The following MYO19 variants were observed in gnomAD, a reference collection of about 807,000 sequenced individuals.
The protein encoded by MYO19 is myosin XIX.
Under a neutral mutation model 129.2 loss-of-function variants are expected in MYO19, and 132 were observed. The ratio of observed to expected loss-of-function variants is 1.02; its 90% CI spans 0.89 to 1.18. The LOEUF (loss-of-function observed/expected upper bound fraction) is 1.18. MYO19 is among the 50% of genes most tolerant of loss of function. The pLI, the probability that MYO19 is intolerant of heterozygous loss-of-function variation, is 0.00. For synonymous variants in MYO19, 531 were observed against 477.2 expected (o/e 1.11, Z -1.47); for missense variants, 1,210 against 1,216.7 (o/e 0.99, Z 0.08).
intron 24 of MYO19, 115 bp from the exon 25 acceptor site, chr17:36,498,674 G>T: frequency 8.0e-7 from 1 of 1,256,752 alleles, no homozygotes; most frequent in Non-Finnish European, 1.1e-6. Flanking sequence ...GAAGGCACCT[G>T]GTTGCAAACA....
chr17:36,516,330 T>C (rs998410306), intron 6 of MYO19, among the ~76,000 whole-genome samples: 2 of 152,206 alleles, frequency 1.3e-5, no homozygotes, highest in African/African-American at 4.8e-5. Flanking sequence ...TTAAAAATCA[T>C]GCATCTACTC....
chr17:36,503,008 G>T, intron 21 of MYO19, 89 bp downstream of exon 21: 1 of 1,094,508 alleles, frequency 9.1e-7, no homozygotes, highest in Non-Finnish European at 1.4e-6. Context: ...TCACCAGTAA[G>T]CCCCAGCCCC....
At chr17:36,540,827 T>C (rs556117418) in intron 2 of MYO19, among the ~76,000 whole-genome samples, 29 of 152,342 alleles carry the variant, frequency 1.9e-4, no homozygotes, top group Admixed American at 1.4e-3. Flanking sequence ...GTGGTTATTA[T>C]AATGAAACAA....
intron 6 of MYO19, 149 bp from the exon 7 acceptor site, chr17:36,516,139 G>T: frequency 1.2e-6 from 1 of 851,876 alleles, no homozygotes; most frequent in African/African-American, 1.7e-5. Context: ...CTGGCCTCAG[G>T]CAAGGCACTT....
chr17:36,526,644 T>C (rs1363012126), intron 5 of MYO19, among the ~76,000 whole-genome samples: 2 of 152,176 alleles, frequency 1.3e-5, no homozygotes, highest in East Asian at 3.8e-4. Context: ...CTCAGCACTT[T>C]GGGAGGCTAC....
At position 36,498,440 on chromosome 17, in the gene MYO19, G is replaced by A. The variant is rs372375522; in HGVS notation, c.2583C>T (p.Ile861=). 1.9e-6 allele frequency: 3 copies of A among 1,613,912 alleles called. No homozygotes were observed. In the African/African-American group the frequency reaches 4.0e-5, roughly 22 times the overall value. The change falls in exon 25 of 26, where the codon ATC becomes ATT. Residue 861 remains isoleucine, a synonymous_variant. Coordinates refer to ENST00000614623, the MANE Select transcript of MYO19 (RefSeq NM_001163735.2). ...PLQTRLLEAI[I]RLWPLGLVLA... is the part of the protein sequence containing the mutation. ...GGACCAGTCCCAGGGGCCAGAGGCG[G>A]ATTATTGCCTCCAGGAGCCTGGTCT...
At chr17:36,527,441 C>T in intron 5 of MYO19, 110 bp downstream of exon 5, 1 of 1,302,678 alleles carries the variant, frequency 7.7e-7, no homozygotes, top group Non-Finnish European at 1.0e-6. Context: ...CTAGCAGACT[C>T]TGAATGACCA....
rs1487128896 is a variant in MYO19, at chr17:36,506,987, T to C, written c.1620A>G (p.Thr540=). 3.7e-6 allele frequency: 6 copies of C among 1,602,476 alleles called. No homozygotes were observed. In the Admixed American group the frequency reaches 1.0e-4, roughly 27 times the overall value. Reference sequence around the variant, plus strand: ...CCTTGTTCTTCTCCACCAGGCCTGCTGTGTGGTACCGCACAGGCCCCGCAT... The same window carrying C: ...CCTTGTTCTTCTCCACCAGGCCTGCCGTGTGGTACCGCACAGGCCCCGCAT... ...VHYAGPVRYH[T]AGLVEKNKDP... Residue 540 remains threonine, a synonymous_variant, in exon 17 of 26, where the codon ACA becomes ACG. Transcript: ENST00000614623.
intron 6 of MYO19, among the ~76,000 whole-genome samples, chr17:36,522,337 G>A (rs2073186020): frequency 6.7e-6 from 1 of 149,540 alleles, no homozygotes; most frequent in Admixed American, 6.7e-5. Context: ...ATGAAACTCC[G>A]TCTCTACTAA....
Position 36,513,129 on chromosome 17 carries a change from C to T in MYO19, c.894+300G>A, listed in dbSNP as rs538541055. 7.7e-4 allele frequency: 1,060 copies of T among 1,375,942 alleles called. 23 individuals are homozygous for T. In the South Asian group the frequency reaches 0.018, roughly 23 times the overall value. The allele number at this position is 1,375,942 out of a possible 1,614,324, so 85.2% of individuals were successfully genotyped here. ...GTTTTAATGTACTAGACAAGCAAGG[C>T]GGTAGCACTAGTTCTCTCTTCTGAT... is the stretch of plus-strand genomic sequence containing the variant. On this transcript the variant is annotated intron_variant, in intron 11 of 25. Coordinates refer to ENST00000614623, the MANE Select transcript of MYO19 (RefSeq NM_001163735.2).
At chr17:36,505,761 A>T (rs1364584370) in intron 18 of MYO19, among the ~76,000 whole-genome samples, 1 of 152,200 alleles carries the variant, frequency 6.6e-6, no homozygotes, top group Non-Finnish European at 1.5e-5. Context: ...GTCCAGCAAC[A>T]ACTGTTATCA....
chr17:36,502,252 A>G (rs1004889936), intron 21 of MYO19, among the ~76,000 whole-genome samples: 1 of 152,080 alleles, frequency 6.6e-6, no homozygotes, highest in Admixed American at 6.5e-5. Flanking sequence ...GACAACCCCC[A>G]TATGAGGGCC....
At chr17:36,539,485 GATGGAAGGCTGGGC>G (rs957753434), upstream of MYO19, among the ~76,000 whole-genome samples, 76 of 152,154 alleles carry the variant, frequency 5.0e-4, no homozygotes, top group African/African-American at 1.7e-3. Flanking sequence ...CCAAAGAATA[GATGGAAGGCTGGGC>G]ATGGTGACTC....
rs1223115260 is a variant in MYO19 at position 36,518,562 on chromosome 17, GTA to G, written c.415-2574_415-2573del. ...TATATATATATATATATGTGTATGT[GTA>G]TATATATGTATATACATAAAAGTAT... On this transcript the variant is annotated intron_variant, in intron 6 of 25. Coordinates refer to ENST00000614623, the MANE Select transcript of MYO19 (RefSeq NM_001163735.2). 2.9e-5 allele frequency among the ~76,000 whole-genome samples: 3 copies of G among 103,956 alleles called. No individual in the cohort carries two copies. In the East Asian group the frequency reaches 8.4e-4, roughly 29 times the overall value. 68.2% of individuals were successfully genotyped at this position (103,956 alleles called of 152,430 possible). A position where few individuals can be genotyped will look rare whatever the true frequency, so the allele number is the denominator to read the frequency against.
At chr17:36,511,502 G>A (rs1257532793) in intron 11 of MYO19, 47 bp from the exon 12 acceptor site, 1 of 1,520,780 alleles carries the variant, frequency 6.6e-7, no homozygotes. Flanking sequence ...GGCGTGACGT[G>A]GGCCTACTCT....
At chr17:36,515,701 G>C (rs2072697661) in intron 7 of MYO19, among the ~76,000 whole-genome samples, 157 bp downstream of exon 7, 1 of 152,190 alleles carries the variant, frequency 6.6e-6, no homozygotes, top group African/African-American at 2.4e-5. Context: ...ATGCTAAGGA[G>C]TACCAGGGAG....
intron 5 of MYO19, 113 bp from the exon 6 acceptor site, chr17:36,525,454 C>T: frequency 3.8e-6 from 3 of 780,682 alleles, no homozygotes; most frequent in Non-Finnish European, 6.4e-6. Context: ...GGGATGCTTC[C>T]TCCAGAAAAA....
At chr17:36,509,214 G>A in intron 13 of MYO19, 79 bp from the exon 14 acceptor site, 1 of 1,299,882 alleles carries the variant, frequency 7.7e-7, no homozygotes, top group Non-Finnish European at 1.1e-6. Flanking sequence ...CCCCCATCAG[G>A]GTGCTACACC....
intron 12 of MYO19, 168 bp downstream of exon 12, chr17:36,511,197 C>T: frequency 4.2e-6 from 3 of 721,864 alleles, no homozygotes; most frequent in South Asian, 3.6e-5. Flanking sequence ...ATACTGTCTG[C>T]CTCACCAGAC....
Sources: allele counts gnomAD v4.1 joint callset (sites outside exome capture counted in the v4.1 genomes callset), GRCh38; gene constraint gnomAD v4.1.1; transcripts MANE v1.5; gene names NCBI Gene and HGNC (gene_info 2026-07-23, HGNC 2026-07-21).